Variants in CD247 observed in about 807,000 individuals in gnomAD.
The protein encoded by CD247 is T-cell surface glycoprotein CD3 zeta chain.
In CD247, 13 loss-of-function variants were observed where a neutral mutation model predicts 30.0. The ratio of observed to expected loss-of-function variants is 0.43; its 90% CI spans 0.28 to 0.69. The LOEUF is 0.69. CD247 is among the 30% of genes least tolerant of loss of function. The probability of loss-of-function intolerance (pLI) is 0.16; values close to 1 mark genes in which losing one functional copy is unlikely to be tolerated. For missense variants in CD247, 193 were observed against 212.6 expected (o/e 0.91, Z 0.57); for synonymous variants, 72 against 80.0 (o/e 0.90, Z 0.53).
intron 1 of CD247, among the ~76,000 whole-genome samples, chr1:167,511,208 G>A (rs1655373145): frequency 6.6e-6 from 1 of 152,214 alleles, no homozygotes; most frequent in African/African-American, 2.4e-5. Context: ...ACGGTGTGCT[G>A]TTCTTTTAGA....
At chr1:167,511,411 AT>A (rs1655382035) in intron 1 of CD247, among the ~76,000 whole-genome samples, 1 of 152,210 alleles carries the variant, frequency 6.6e-6, no homozygotes, top group Non-Finnish European at 1.5e-5. Flanking sequence ...TGAACTGCAA[AT>A]TGAGGCGCAT....
intron 1 of CD247, among the ~76,000 whole-genome samples, chr1:167,463,001 T>C (rs1653090243): frequency 6.6e-6 from 1 of 152,198 alleles, no homozygotes; most frequent in Non-Finnish European, 1.5e-5. Context: ...GGTGCCAGGT[T>C]ACCTGGCATC....
chr1:167,481,641 C>G (rs1653977418), intron 1 of CD247, among the ~76,000 whole-genome samples: 1 of 152,172 alleles, frequency 6.6e-6, no homozygotes, highest in Non-Finnish European at 1.5e-5. Context: ...GCAGTAAGTT[C>G]ATCGCACAAT....
intron 1 of CD247, among the ~76,000 whole-genome samples, chr1:167,498,357 A>G (rs1654778478): frequency 6.6e-6 from 1 of 152,202 alleles, no homozygotes; most frequent in Non-Finnish European, 1.5e-5. Flanking sequence ...GAGCAGGGAC[A>G]CTGGGTGAGG....
intron 1 of CD247, among the ~76,000 whole-genome samples, chr1:167,475,302 T>C (rs1653700426): frequency 6.6e-6 from 1 of 152,206 alleles, no homozygotes; most frequent in African/African-American, 2.4e-5. Context: ...TGTTTTTCTA[T>C]ATCCCTACCC....
At chr1:167,479,442 G>C (rs1010744127) in intron 1 of CD247, among the ~76,000 whole-genome samples, 1 of 152,132 alleles carries the variant, frequency 6.6e-6, no homozygotes, top group Admixed American at 6.5e-5. Context: ...TAGTTTCCCC[G>C]ACCATGATTC....
intron 1 of CD247, among the ~76,000 whole-genome samples, chr1:167,460,422 A>C (rs1419090255): frequency 6.6e-6 from 1 of 151,608 alleles, no homozygotes; most frequent in Non-Finnish European, 1.5e-5. Flanking sequence ...AAATAAAAAT[A>C]AAGAAATAAG....
chr1:167,473,820 TG>T (rs1653634565), intron 1 of CD247, among the ~76,000 whole-genome samples: 1 of 152,176 alleles, frequency 6.6e-6, no homozygotes, highest in South Asian at 2.1e-4. Context: ...ACTCCTTTGC[TG>T]GGGGGTTTTA....
At chr1:167,443,795 G>C (rs567261021) in intron 1 of CD247, among the ~76,000 whole-genome samples, 3 of 152,102 alleles carry the variant, frequency 2.0e-5, no homozygotes, top group African/African-American at 7.2e-5. Flanking sequence ...GCTGTGTGTG[G>C]TTGGGTGGAG....
intron 1 of CD247, among the ~76,000 whole-genome samples, chr1:167,467,161 C>T (rs1041462655): frequency 1.3e-5 from 2 of 152,222 alleles, no homozygotes; most frequent in African/African-American, 2.4e-5. Flanking sequence ...CAGTCCCAGA[C>T]CTGAACCAGG....
At chr1:167,516,717 C>A (rs962680714) in intron 1 of CD247, among the ~76,000 whole-genome samples, 1 of 152,128 alleles carries the variant, frequency 6.6e-6, no homozygotes, top group Admixed American at 6.5e-5. Context: ...TCCATAGAGG[C>A]AAAGTAAGTG....
intron 1 of CD247, among the ~76,000 whole-genome samples, chr1:167,473,646 C>A (rs953828997): frequency 2.0e-5 from 3 of 152,202 alleles, no homozygotes; most frequent in Admixed American, 2.0e-4. Flanking sequence ...GGCAAGTCCA[C>A]GTTCTCTCTT....
At chr1:167,467,305 G>T (rs1382993185) in intron 1 of CD247, among the ~76,000 whole-genome samples, 2 of 152,118 alleles carry the variant, frequency 1.3e-5, no homozygotes, top group African/African-American at 4.8e-5. Flanking sequence ...GCTTTTCTGC[G>T]GCCCTTCATG....
chr1:167,502,159 T>C (rs1451670246), intron 1 of CD247, among the ~76,000 whole-genome samples: 2 of 152,208 alleles, frequency 1.3e-5, no homozygotes, highest in African/African-American at 4.8e-5. Flanking sequence ...CTCTGCAGTA[T>C]GCTGGAAGTG....
At chr1:167,473,092 T>TAC (rs35004482) in intron 1 of CD247, among the ~76,000 whole-genome samples, 7,897 of 146,450 alleles carry the variant, frequency 0.054, 301 homozygotes, top group African/African-American at 0.1. Flanking sequence ...CTTCAAGTTT[T>TAC]ACACACACAC....
chr1:167,455,326 G>T (rs371974600), intron 1 of CD247, among the ~76,000 whole-genome samples: 21 of 152,326 alleles, frequency 1.4e-4, no homozygotes, highest in African/African-American at 4.8e-4. Context: ...AAGCTACGCC[G>T]GGTGCACTGC....
rs1330092582 is a variant in CD247, at chr1:167,494,827, C to T, written c.58+23581G>A. Among the ~76,000 whole-genome samples the T allele has an allele frequency of 6.6e-6, 1 of 152,162 alleles. No individual in the cohort carries two copies. The highest frequency in any genetic ancestry group is 2.4e-5 in the African/African-American group (1 of 41,440). On this transcript the variant is annotated intron_variant, in intron 1 of 7. Coordinates refer to ENST00000362089, the MANE Select transcript of CD247 (RefSeq NM_198053.3). This position sits in a 1 kb window ranked among gnomAD's most constrained non-coding sequence, Gnocchi z 7.3. The stretch of plus-strand genomic sequence containing the variant: ...CAATTATTACCTCAGATCACATACG[C>T]CTTGGATTTCAGAGCTGGAAAGAGG...
intron 5 of CD247, chr1:167,434,809 G>C (rs1651449563): frequency 2.2e-6 from 1 of 456,650 alleles, no homozygotes; most frequent in Admixed American, 2.3e-5. Flanking sequence ...AGCAGGTGCT[G>C]CTGCAGGCCG....
At chr1:167,480,916 G>A (rs919734503) in intron 1 of CD247, among the ~76,000 whole-genome samples, 1 of 152,188 alleles carries the variant, frequency 6.6e-6, no homozygotes, top group South Asian at 2.1e-4. Flanking sequence ...AAACAACAAG[G>A]CTGACATATA....
Sources: gnomAD v4.1 joint callset for allele counts (sites outside exome capture counted in the v4.1 genomes callset) on GRCh38, gnomAD v4.1.1 for gene constraint, Gnocchi (gnomAD v3.1) non-coding constraint, MANE v1.5 for transcripts, NCBI Gene and HGNC (gene_info 2026-07-23, HGNC 2026-07-21) for gene names.